The following SHOC2 variants were observed in gnomAD, a reference collection of about 807,000 sequenced individuals.
SHOC2 encodes the protein leucine-rich repeat protein SHOC-2.
In SHOC2, 4 loss-of-function variants were observed where a neutral mutation model predicts 50.2. The observed-to-expected ratio is 0.08, with a 90% CI of 0.04 to 0.18. The LOEUF (loss-of-function observed/expected upper bound fraction) is 0.18. Ranked by LOEUF, SHOC2 falls within the 10% of genes least tolerant of loss-of-function variation. The pLI is 1.00. For missense variants in SHOC2, 388 were observed against 669.6 expected, an observed-to-expected ratio of 0.58 and a Z score of 4.64; for synonymous variants, 218 against 244.5, an observed-to-expected ratio of 0.89 and a Z score of 1.01.
At chr10:110,995,007 T>C (rs1175546983) in intron 3 of SHOC2, among the ~76,000 whole-genome samples, 1 of 152,230 alleles carries the variant, frequency 6.6e-6, no homozygotes, top group Non-Finnish European at 1.5e-5. Flanking sequence ...CAATAAAGTC[T>C]GTGTTTCATA....
intron 1 of SHOC2, among the ~76,000 whole-genome samples, chr10:110,936,420 A>G (rs781428752): frequency 9.9e-5 from 15 of 151,924 alleles, no homozygotes; most frequent in Non-Finnish European, 1.9e-4. Context: ...CTGATGTTTA[A>G]ACATTGATTC....
At position 111,013,149 on chromosome 10, in the gene SHOC2, T is replaced by C. The variant is rs1173551406; in HGVS notation, c.*1331T>C. ...GCATGTACTATTTGATGCGTTTTCT[T>C]TGCTTCACTGCTTTTAATACTTAGC... On this transcript the variant is annotated 3_prime_UTR_variant, in exon 9 of 9. Transcript: ENST00000369452. 1 of 152,258 alleles carries C rather than the reference T, an allele frequency of 6.6e-6. No individual in the cohort carries two copies. The highest frequency in any genetic ancestry group is 2.4e-5 in the African/African-American group (1 of 41,446). 9.4% of individuals were successfully genotyped at this position (152,258 alleles called of 1,614,324 possible).
In SHOC2 at chr10:111,004,601, T is replaced by TA; in HGVS notation, c.973-4dup. On this transcript the variant is annotated splice_polypyrimidine_tract_variant and splice_region_variant and intron_variant, in intron 4 of 8. Coordinates refer to ENST00000369452, the MANE Select transcript of SHOC2 (RefSeq NM_007373.4). ...ATTCTTATGTTTATTTCATTTTTTT[T>TA]ACAGAGTCTTTTATCAAGTCTTGTG... 1 of 1,601,068 alleles carries TA rather than the reference T, an allele frequency of 6.2e-7. No homozygotes were observed. Among genetic ancestry groups the TA allele is most frequent in the Non-Finnish European group, 8.6e-7 (1 of 1,168,198 alleles).
chr10:110,923,288 G>A (rs918646154), intron 1 of SHOC2, among the ~76,000 whole-genome samples: 4 of 151,984 alleles, frequency 2.6e-5, no homozygotes, highest in African/African-American at 9.7e-5. Flanking sequence ...ATTATAGAGT[G>A]TTCTTAAAAG....
chr10:110,943,016 ATTCT>A (rs1468529362), intron 1 of SHOC2, among the ~76,000 whole-genome samples: 3 of 152,262 alleles, frequency 2.0e-5, no homozygotes, highest in South Asian at 4.1e-4. Flanking sequence ...AAGATGAAGA[ATTCT>A]TTCTGTCTGT....
chr10:110,951,515 C>T (rs1847351697), intron 1 of SHOC2: 1 of 152,136 alleles, frequency 6.6e-6, no homozygotes, highest in Non-Finnish European at 1.5e-5. Context: ...CATATATGAT[C>T]CATCAATCTC....
Position 110,971,000 on chromosome 10 carries a change from C to T in SHOC2, c.703+5939C>T, listed in dbSNP as rs756670011. On this transcript the variant is annotated intron_variant, in intron 2 of 8. Transcript: ENST00000369452. ...TTTGCATATATTTTCTTTCATTCTG[C>T]AGGTTGTCTCTTCAGTCTTTGTTTC... 1.3e-4 allele frequency among the ~76,000 whole-genome samples: 19 copies of T among 151,964 alleles called. 1 individual carries two copies. The highest frequency in any genetic ancestry group is 2.5e-4 in the Non-Finnish European group (17 of 67,972).
At chr10:110,961,165 T>C (rs1043805391) in intron 1 of SHOC2, among the ~76,000 whole-genome samples, 2 of 152,196 alleles carry the variant, frequency 1.3e-5, no homozygotes, top group African/African-American at 4.8e-5. Flanking sequence ...TTTTATGCTT[T>C]TATCACTAGA....
Position 111,011,898 on chromosome 10 carries a change from T to C in SHOC2, c.*80T>C. 1 of 1,112,370 alleles carries C rather than the reference T, an allele frequency of 9.0e-7. No homozygotes were observed. The highest frequency in any genetic ancestry group is 1.4e-6 in the Non-Finnish European group (1 of 734,460). 68.9% of individuals were successfully genotyped at this position (1,112,370 alleles called of 1,614,324 possible). ...TTATCTATATCTGTATCTATTTATG[T>C]AGATATTGGTATATGGCAGATTTAT... On this transcript the variant is annotated 3_prime_UTR_variant, in exon 9 of 9. Transcript: ENST00000369452.
chr10:110,964,226 T>A lies in SHOC2; in HGVS notation c.-133T>A, dbSNP rs1847627068. 8 of 1,354,692 alleles carry A rather than the reference T, an allele frequency of 5.9e-6. No homozygotes were observed. Among genetic ancestry groups the A allele is most frequent in the Non-Finnish European group, 8.0e-6 (8 of 1,001,198 alleles). The allele number at this position is 1,354,692 out of a possible 1,614,324, so 83.9% of individuals were successfully genotyped here. A position where few individuals can be genotyped will look rare whatever the true frequency, so the allele number is the denominator to read the frequency against. On this transcript the variant is annotated 5_prime_UTR_variant, in exon 2 of 9. The change abolishes an upstream ATG in the 5' untranslated region. Transcript: ENST00000369452. This position sits in a 1 kb window ranked among gnomAD's most constrained non-coding sequence, Gnocchi z 4.9. ...TTAGATCCAACATGTAACAGATGGA[T>A]GTTACTCCATGCTGATTACTTCTTC...
At chr10:110,986,257 T>C (rs1012977294) in intron 3 of SHOC2, among the ~76,000 whole-genome samples, 1 of 152,162 alleles carries the variant, frequency 6.6e-6, no homozygotes, top group African/African-American at 2.4e-5. Context: ...CTTAGCCAAA[T>C]TGCAAAAAAT....
At chr10:110,992,175 AT>A (rs1440125265) in intron 3 of SHOC2, among the ~76,000 whole-genome samples, 1 of 152,086 alleles carries the variant, frequency 6.6e-6, no homozygotes, top group Non-Finnish European at 1.5e-5. Context: ...AATTACTGCC[AT>A]TTACTTCCAG....
intron 6 of SHOC2, 137 bp from the exon 7 acceptor site, chr10:111,009,111 A>G (rs529535029): frequency 1.3e-4 from 62 of 471,896 alleles, no homozygotes; most frequent in Middle Eastern, 5.7e-4. Flanking sequence ...AATATTTTAT[A>G]TGTTATATAA....
Position 111,012,012 on chromosome 10 carries a change from T to G in SHOC2, c.*194T>G. The G allele has an allele frequency of 1.7e-6, 1 of 585,210 alleles. No individual in the cohort carries two copies. The highest frequency in any genetic ancestry group is 1.9e-5 in the African/African-American group (1 of 53,690). The allele number at this position is 585,210 out of a possible 1,614,324, so 36.3% of individuals were successfully genotyped here. A position where few individuals can be genotyped will look rare whatever the true frequency, so the allele number is the denominator to read the frequency against. Reference sequence around the variant, plus strand: ...TCTGTACAAAAGGCTTATATAAGTTTTCTTTGCTGAATTTGATGGATGTTT... The same window carrying G: ...TCTGTACAAAAGGCTTATATAAGTTGTCTTTGCTGAATTTGATGGATGTTT... On this transcript the variant is annotated 3_prime_UTR_variant, in exon 9 of 9. Coordinates refer to ENST00000369452, the MANE Select transcript of SHOC2 (RefSeq NM_007373.4).
At chr10:110,958,832 T>A (rs539689610) in intron 1 of SHOC2, among the ~76,000 whole-genome samples, 1 of 152,240 alleles carries the variant, frequency 6.6e-6, no homozygotes, top group South Asian at 2.1e-4. Context: ...CTACTCCTGT[T>A]CATCCCCAAC....
intron 1 of SHOC2, among the ~76,000 whole-genome samples, chr10:110,955,601 G>A (rs17128189): frequency 0.073 from 11,054 of 152,172 alleles, 548 homozygotes; most frequent in African/African-American, 0.15. Flanking sequence ...CATACTTGCG[G>A]TATCACGTGT....
At chr10:111,000,635 A>G (rs972433983) in intron 4 of SHOC2, 90 bp downstream of exon 4, 14 of 1,168,386 alleles carry the variant, frequency 1.2e-5, no homozygotes, top group Admixed American at 1.9e-5. Flanking sequence ...AGGGTAAATA[A>G]TTTGGTGATT....
upstream of SHOC2, chr10:110,919,496 G>A: frequency 2.6e-6 from 1 of 391,850 alleles, no homozygotes. Flanking sequence ...GAGGGGTGGG[G>A]CGGGGAGGCT....
At chr10:110,919,592 TAGGAGGAGG>T (rs1227446733), upstream of SHOC2, 2 of 389,010 alleles carry the variant, frequency 5.1e-6, no homozygotes. Flanking sequence ...CGTCGCTTCT[TAGGAGGAGG>T]AGGAAGAGGA....
Sources: allele counts gnomAD v4.1 joint callset (sites outside exome capture counted in the v4.1 genomes callset), GRCh38; gene constraint gnomAD v4.1.1; non-coding constraint Gnocchi (gnomAD v3.1); transcripts MANE v1.5; gene names NCBI Gene and HGNC (gene_info 2026-07-23, HGNC 2026-07-21).